The following C6orf58 variants were observed in gnomAD, a reference collection of about 807,000 sequenced individuals.
C6orf58 encodes the protein protein LEG1 homolog.
In C6orf58, 30 loss-of-function variants were observed where a neutral mutation model predicts 37.0. The observed-to-expected ratio is 0.81, with a 90% CI of 0.61 to 1.10. The LOEUF (loss-of-function observed/expected upper bound fraction) is 1.10, where lower values mean the gene tolerates loss of function less well. Among genes scored for constraint, C6orf58 ranks in the 50% least tolerant of loss-of-function variants. C6orf58 has a pLI of 0.00. For synonymous variants in C6orf58, 143 were observed against 134.1 expected, an observed-to-expected ratio of 1.07 and a Z score of -0.46; for missense variants, 368 against 387.5, an observed-to-expected ratio of 0.95 and a Z score of 0.42.
In C6orf58 at chr6:127,578,764, G is replaced by C. The variant is rs770504299; in HGVS notation, c.380G>C (p.Trp127Ser). 1 of 1,611,528 alleles carries C rather than the reference G, an allele frequency of 6.2e-7. No individual in the cohort carries two copies. Among genetic ancestry groups the C allele is most frequent in the Admixed American group, 1.7e-5 (1 of 59,904 alleles). The change falls in exon 2 of 6, where the codon TGG becomes TCG. Residue 127 changes from tryptophan (W) to serine (S), a missense_variant. Transcript: ENST00000329722. ...CATATGTGCATCTCTGTGGACAGTT[G>C]GTGGGCTGGTATGTTCGTTTAAGTG... ...GDHMCISVDSWWADLNYFLSS... is the reference protein window; with the variant it reads ...GDHMCISVDSSWADLNYFLSS...
chr6:127,585,660 C>T (rs906345664), intron 4 of C6orf58, among the ~76,000 whole-genome samples: 1 of 152,120 alleles, frequency 6.6e-6, no homozygotes, highest in Admixed American at 6.5e-5. Context: ...TCCAAGAAAA[C>T]CTTGGCTTAA....
At chr6:127,579,237 C>T (rs770779666) in intron 2 of C6orf58, among the ~76,000 whole-genome samples, 4 of 152,118 alleles carry the variant, frequency 2.6e-5, no homozygotes, top group Non-Finnish European at 5.9e-5. Flanking sequence ...AGGCTTTAAT[C>T]ATATACTTAA....
intron 4 of C6orf58, among the ~76,000 whole-genome samples, chr6:127,582,009 A>G (rs1226544396): frequency 6.6e-6 from 1 of 152,140 alleles, no homozygotes; most frequent in Admixed American, 6.5e-5. Flanking sequence ...TTTAGGCCAA[A>G]CTTAATTTAA....
intron 4 of C6orf58, among the ~76,000 whole-genome samples, chr6:127,587,560 T>G (rs1340040350): frequency 6.6e-6 from 1 of 152,208 alleles, no homozygotes; most frequent in African/African-American, 2.4e-5. Flanking sequence ...CTCTGCTTTG[T>G]CAAGGTCTAT....
intron 4 of C6orf58, among the ~76,000 whole-genome samples, chr6:127,581,490 A>G (rs946694616): frequency 2.7e-5 from 4 of 147,542 alleles, no homozygotes; most frequent in African/African-American, 5.3e-5. Flanking sequence ...AAATTTTGAG[A>G]AAAAAAAGCC....
At chr6:127,579,765 G>C (rs574121504) in intron 2 of C6orf58, among the ~76,000 whole-genome samples, 1 of 152,050 alleles carries the variant, frequency 6.6e-6, no homozygotes, top group South Asian at 2.1e-4. Context: ...TGCTTTAAAG[G>C]ATAAAATAAG....
chr6:127,590,962 T>C (rs1407673329), intron 5 of C6orf58, among the ~76,000 whole-genome samples: 1 of 152,094 alleles, frequency 6.6e-6, no homozygotes, highest in Non-Finnish European at 1.5e-5. Flanking sequence ...GTCTGAAAGA[T>C]AAAAATGGAG....
intron 4 of C6orf58, 66 bp from the exon 5 acceptor site, chr6:127,590,021 A>C: frequency 1.9e-6 from 2 of 1,027,862 alleles, no homozygotes; most frequent in Non-Finnish European, 2.9e-6. Flanking sequence ...ATATTTTCTG[A>C]AGGCAATGAG....
intron 4 of C6orf58, among the ~76,000 whole-genome samples, chr6:127,582,881 G>A (rs1478307151): frequency 6.6e-6 from 1 of 152,136 alleles, no homozygotes. Flanking sequence ...ATGGTTGGTT[G>A]TTAAATCCTC....
intron 5 of C6orf58, 32 bp from the exon 6 acceptor site, chr6:127,591,511 G>A (rs1583132335): frequency 6.7e-7 from 1 of 1,498,296 alleles, no homozygotes; most frequent in Non-Finnish European, 8.9e-7. Flanking sequence ...ATTTGCAAGA[G>A]TTTACATGTA....
chr6:127,588,279 T>G (rs1031433854), intron 4 of C6orf58, among the ~76,000 whole-genome samples: 1 of 152,210 alleles, frequency 6.6e-6, no homozygotes, highest in African/African-American at 2.4e-5. Flanking sequence ...TTGTATTTTT[T>G]AAGTCAAGTT....
intron 1 of C6orf58, 38 bp downstream of exon 1, chr6:127,577,524 G>C (rs756426970): frequency 6.3e-7 from 1 of 1,577,110 alleles, no homozygotes; most frequent in Non-Finnish European, 8.7e-7. Flanking sequence ...ATGATCTACC[G>C]ATAGACCTAT....
At chr6:127,580,119 T>G (rs1004199777) in intron 2 of C6orf58, 146 bp from the exon 3 acceptor site, 1 of 571,286 alleles carries the variant, frequency 1.8e-6, no homozygotes, top group African/African-American at 1.9e-5. Flanking sequence ...CTTAGGGGGA[T>G]TTTTGTTCAA....
rs557780054 is a variant in C6orf58 at position 127,580,584 on chromosome 6, G to A, written c.573+135G>A. 729 of 621,056 alleles carry A rather than the reference G, an allele frequency of 1.2e-3. 1 individual carries two copies. Among genetic ancestry groups the A allele is most frequent in the Non-Finnish European group, 1.8e-3 (633 of 355,236 alleles). 38.5% of individuals were successfully genotyped at this position (621,056 alleles called of 1,614,324 possible). A position where few individuals can be genotyped will look rare whatever the true frequency, so the allele number is the denominator to read the frequency against. On this transcript the variant is annotated intron_variant, in intron 3 of 5. Coordinates refer to ENST00000329722, the MANE Select transcript of C6orf58 (RefSeq NM_001010905.3). ...AATTGCTATGCATGATATATTAATA[G>A]TATATTGTAGAGTGTTATGAGTCAT...
chr6:127,581,514 C>CA (rs59422228), intron 4 of C6orf58, among the ~76,000 whole-genome samples: 68 of 140,274 alleles, frequency 4.8e-4, no homozygotes, highest in East Asian at 1.3e-3. Flanking sequence ...CATGAAAAAA[C>CA]AAAAAAAAAA....
intron 4 of C6orf58, among the ~76,000 whole-genome samples, chr6:127,586,789 A>G (rs1051133218): frequency 3.3e-5 from 5 of 152,212 alleles, no homozygotes; most frequent in Non-Finnish European, 7.3e-5. Context: ...TGCATTCAGT[A>G]TATCATTTAC....
At chr6:127,582,822 C>T (rs1036576015) in intron 4 of C6orf58, among the ~76,000 whole-genome samples, 10 of 152,208 alleles carry the variant, frequency 6.6e-5, no homozygotes, top group Non-Finnish European at 7.4e-5. Flanking sequence ...CCTTAATTGT[C>T]GGTGGCTCCT....
At chr6:127,580,811 C>A (rs964968864) in intron 3 of C6orf58, among the ~76,000 whole-genome samples, 1 of 151,898 alleles carries the variant, frequency 6.6e-6, no homozygotes, top group Non-Finnish European at 1.5e-5. Context: ...TTTACTAGTA[C>A]TTTAGTAGAT....
At chr6:127,579,673 A>G (rs1039915403) in intron 2 of C6orf58, among the ~76,000 whole-genome samples, 2 of 152,106 alleles carry the variant, frequency 1.3e-5, no homozygotes, top group African/African-American at 4.8e-5. Context: ...GGTGATATAT[A>G]GGTAAAATTT....
Sources: gnomAD v4.1 joint callset for allele counts (sites outside exome capture counted in the v4.1 genomes callset) on GRCh38, gnomAD v4.1.1 for gene constraint, MANE v1.5 for transcripts, NCBI Gene and HGNC (gene_info 2026-07-23, HGNC 2026-07-21) for gene names.